STK32A: variants seen among roughly 807,000 people sequenced by gnomAD.
STK32A encodes the protein serine/threonine kinase 32A.
A neutral mutation model predicts 53.2 loss-of-function variants in STK32A; 41 were observed. The ratio of observed to expected loss-of-function variants is 0.77; its 90% CI spans 0.60 to 1.00. The LOEUF is 1.00. Ranked by LOEUF, STK32A falls within the 50% of genes least tolerant of loss-of-function variation. The probability of loss-of-function intolerance (pLI) is 0.00; values close to 1 mark genes in which losing one functional copy is unlikely to be tolerated. For synonymous variants in STK32A, 166 were observed against 162.8 expected (o/e 1.02, Z -0.15); for missense variants, 458 against 485.8 (o/e 0.94, Z 0.54).
At position 147,370,707 on chromosome 5, in the gene STK32A, T is replaced by C; in HGVS notation, c.714T>C (p.Phe238=). Residue 238 remains phenylalanine, a synonymous_variant, in exon 9 of 13, where the codon TTT becomes TTC. Transcript: ENST00000397936. ...CCAGCAAGGAAATTGTACACACGTT[T>C]GAGACGACTGTTGTAACTTACCCTT... ...STSSKEIVHT[F]ETTVVTYPSA... is the part of the protein sequence containing the mutation. The C allele has an allele frequency of 5.6e-6, 9 of 1,612,810 alleles. No homozygotes were observed. Among genetic ancestry groups the C allele is most frequent in the African/African-American group, 1.3e-5 (1 of 75,014 alleles).
chr5:147,303,639 C>T (rs887952940), intron 4 of STK32A, among the ~76,000 whole-genome samples: 1 of 152,040 alleles, frequency 6.6e-6, no homozygotes, highest in African/African-American at 2.4e-5. Context: ...AACAATCCAC[C>T]GTAATACATA....
chr5:147,275,653 C>G (rs1481734395), intron 2 of STK32A, among the ~76,000 whole-genome samples: 1 of 152,114 alleles, frequency 6.6e-6, no homozygotes, highest in African/African-American at 2.4e-5. Flanking sequence ...CTATCATTGG[C>G]TTTCCCATTA....
chr5:147,384,447 A>G lies in STK32A; in HGVS notation c.*464A>G, dbSNP rs1436778992. On this transcript the variant is annotated 3_prime_UTR_variant, in exon 13 of 13. Coordinates refer to ENST00000397936, the MANE Select transcript of STK32A (RefSeq NM_001112724.2). ...TCGAAAGTTTCATAAAGTGGTCAGA[A>G]TGCCCCAGGCTACTTGGATAAAGAT... 3.3e-6 allele frequency: 5 copies of G among 1,532,720 alleles called. No individual in the cohort carries two copies. The highest frequency in any genetic ancestry group is 3.9e-5 in the Admixed American group (2 of 50,918). The allele number at this position is 1,532,720 out of a possible 1,614,324, so 94.9% of individuals were successfully genotyped here.
chr5:147,343,356 A>T (rs758695926), intron 6 of STK32A: 74 of 473,388 alleles, frequency 1.6e-4, no homozygotes, highest in Admixed American at 3.3e-4. Context: ...TATAACACGC[A>T]ATCACCTATT....
intron 4 of STK32A, among the ~76,000 whole-genome samples, chr5:147,312,511 A>G (rs1192425788): frequency 6.6e-6 from 1 of 152,240 alleles, no homozygotes; most frequent in Non-Finnish European, 1.5e-5. Context: ...AATTTTAGAT[A>G]TATGGCTGTT....
the STK32A span, chr5:147,400,930 A>G: frequency 2.0e-6 from 3 of 1,465,310 alleles, no homozygotes; most frequent in East Asian, 7.2e-5. Flanking sequence ...TTGCACTCTG[A>G]CTATTTGGGT....
At chr5:147,312,024 A>G (rs1581075811) in intron 4 of STK32A, among the ~76,000 whole-genome samples, 1 of 152,300 alleles carries the variant, frequency 6.6e-6, no homozygotes, top group East Asian at 1.9e-4. Context: ...AGGGGAGATA[A>G]ACTCCAACCA....
At chr5:147,337,357 A>T (rs569212147) in intron 5 of STK32A, among the ~76,000 whole-genome samples, 2 of 152,088 alleles carry the variant, frequency 1.3e-5, no homozygotes, top group Non-Finnish European at 2.9e-5. Context: ...CTTATTTATT[A>T]CTCTTACTCT....
chr5:147,374,255 C>G (rs564549926), intron 10 of STK32A, among the ~76,000 whole-genome samples: 20 of 149,768 alleles, frequency 1.3e-4, no homozygotes, highest in Non-Finnish European at 2.5e-4. Context: ...CCACTGCACT[C>G]TAGCCTGGGT....
chr5:147,352,617 T>G (rs973660606), intron 7 of STK32A, among the ~76,000 whole-genome samples: 2 of 152,186 alleles, frequency 1.3e-5, no homozygotes, highest in African/African-American at 4.8e-5. Flanking sequence ...CTAAGGCAAG[T>G]GAGTCAGATC....
At chr5:147,317,238 A>T (rs1348792416) in intron 4 of STK32A, among the ~76,000 whole-genome samples, 1 of 151,126 alleles carries the variant, frequency 6.6e-6, no homozygotes, top group African/African-American at 2.4e-5. Context: ...GAATGTATAG[A>T]TTGACGTGAC....
At chr5:147,264,119 T>A (rs1021172114) in intron 2 of STK32A, among the ~76,000 whole-genome samples, 2 of 152,192 alleles carry the variant, frequency 1.3e-5, no homozygotes, top group South Asian at 4.1e-4. Context: ...ATAAAAATAT[T>A]TTTCATGGAT....
At position 147,311,411 on chromosome 5, in the gene STK32A, A is replaced by G. The variant is rs1424704461; in HGVS notation, c.261-12487A>G. 2.6e-4 allele frequency among the ~76,000 whole-genome samples: 39 copies of G among 152,240 alleles called. 1 individual carries two copies. The highest frequency in any genetic ancestry group is 2.9e-5 in the Non-Finnish European group (2 of 68,032). On this transcript the variant is annotated intron_variant, in intron 4 of 12. Transcript: ENST00000397936. ...CCATCGAATGAACAAGTGCTCATTA[A>G]GTACCAAGCTATATGCCAGGGGTTG...
chr5:147,342,160 A>G (rs1415296189), intron 5 of STK32A, among the ~76,000 whole-genome samples: 1 of 152,226 alleles, frequency 6.6e-6, no homozygotes, highest in African/African-American at 2.4e-5. Context: ...TTGGGAACAC[A>G]TTCTCAGCCT....
chr5:147,341,899 C>T (rs762457728), intron 5 of STK32A, among the ~76,000 whole-genome samples: 5 of 152,090 alleles, frequency 3.3e-5, no homozygotes, highest in Admixed American at 6.5e-5. Flanking sequence ...CACAGGAGAG[C>T]ACAAAACCCA....
intron 4 of STK32A, among the ~76,000 whole-genome samples, chr5:147,302,976 G>A (rs548349549): frequency 9.2e-5 from 14 of 152,060 alleles, no homozygotes; most frequent in Admixed American, 3.9e-4. Context: ...TTCTGGGATG[G>A]CAATAGAGAT....
chr5:147,358,028 G>T (rs1756334052), intron 7 of STK32A, among the ~76,000 whole-genome samples: 1 of 151,726 alleles, frequency 6.6e-6, no homozygotes, highest in South Asian at 2.1e-4. Context: ...ATGAAATTTA[G>T]AATCATTTTT....
intron 2 of STK32A, among the ~76,000 whole-genome samples, chr5:147,241,396 G>A (rs1352012834): frequency 2.0e-5 from 3 of 152,096 alleles, no homozygotes; most frequent in Non-Finnish European, 4.4e-5. Flanking sequence ...GGAGAATGGC[G>A]GGAACCCGGG....
intron 4 of STK32A, among the ~76,000 whole-genome samples, chr5:147,309,627 C>T (rs768523560): frequency 6.6e-6 from 1 of 152,126 alleles, no homozygotes; most frequent in Non-Finnish European, 1.5e-5. Context: ...AAAGGAAACT[C>T]AAGAAGGAAA....
Sources: gnomAD v4.1 joint callset for allele counts (sites outside exome capture counted in the v4.1 genomes callset) on GRCh38, gnomAD v4.1.1 for gene constraint, MANE v1.5 for transcripts, NCBI Gene and HGNC (gene_info 2026-07-23, HGNC 2026-07-21) for gene names.